Variants in UBE4B observed in about 807,000 individuals in gnomAD.
UBE4B encodes the protein ubiquitin conjugation factor E4 B.
UBE4B carries 27 observed loss-of-function variants against 148.1 expected under a neutral mutation model. The observed-to-expected ratio is 0.18, with a 90% CI of 0.13 to 0.25. UBE4B has a LOEUF of 0.25. Among genes scored for constraint, UBE4B ranks in the 10% least tolerant of loss-of-function variants. The probability of loss-of-function intolerance (pLI) is 1.00; values close to 1 mark genes in which losing one functional copy is unlikely to be tolerated. For synonymous variants in UBE4B, 596 were observed against 619.3 expected (o/e 0.96, Z 0.56); for missense variants, 1,170 against 1,662.4 (o/e 0.70, Z 5.15).
chr1:10,133,445 A>G (rs894864167), intron 15 of UBE4B, among the ~76,000 whole-genome samples: 5 of 152,222 alleles, frequency 3.3e-5, no homozygotes, highest in African/African-American at 7.2e-5. Flanking sequence ...CACTCAACCA[A>G]TATTAACTAT....
At chr1:10,174,530 G>A (rs11806008) in intron 25 of UBE4B, among the ~76,000 whole-genome samples, 29,027 of 150,796 alleles carry the variant, frequency 0.19, 3,830 homozygotes, top group African/African-American at 0.38. Flanking sequence ...GTGAAACCCT[G>A]TTTCTACTAA....
intron 19 of UBE4B, 62 bp downstream of exon 19, chr1:10,147,152 T>G: frequency 6.2e-7 from 1 of 1,602,754 alleles, no homozygotes; most frequent in Non-Finnish European, 8.5e-7. Context: ...GTCTTTATTG[T>G]CCTTCAAAGT....
At chr1:10,040,473 A>G (rs1445108273) in intron 1 of UBE4B, among the ~76,000 whole-genome samples, 2 of 151,458 alleles carry the variant, frequency 1.3e-5, no homozygotes, top group African/African-American at 4.9e-5. Flanking sequence ...CTGGTCTCAA[A>G]CTCCTGGGCT....
At chr1:10,042,767 A>G (rs1456017414) in intron 1 of UBE4B, among the ~76,000 whole-genome samples, 1 of 152,218 alleles carries the variant, frequency 6.6e-6, no homozygotes, top group Non-Finnish European at 1.5e-5. Flanking sequence ...GCCTACAGGT[A>G]CAGAGAACAA....
chr1:10,117,647 G>A (rs766274749), intron 8 of UBE4B, 47 bp downstream of exon 8: 102 of 1,527,142 alleles, frequency 6.7e-5, no homozygotes, highest in Non-Finnish European at 8.6e-5. Context: ...CTAGTTATTT[G>A]TTTGATTATC....
intron 25 of UBE4B, among the ~76,000 whole-genome samples, chr1:10,178,210 G>A (rs570854912): frequency 6.6e-6 from 1 of 152,206 alleles, no homozygotes; most frequent in Non-Finnish European, 1.5e-5. Context: ...TACCTTTGTG[G>A]AAGAGAGCTG....
rs539697805 is a variant in UBE4B at position 10,073,838 on chromosome 1, C to G, written c.211+1624C>G. 7.2e-5 allele frequency among the ~76,000 whole-genome samples: 11 copies of G among 152,012 alleles called. No individual in the cohort carries two copies. The South Asian group carries it at 1.7e-3, about 23-fold the overall frequency. On this transcript the variant is annotated intron_variant, in intron 2 of 27. Coordinates refer to ENST00000343090, the MANE Select transcript of UBE4B (RefSeq NM_001105562.3). Reference sequence around the variant, plus strand: ...GTTCACTCACTCTGCTGATCTGTTTCATACCTTCTCGAGTGTGCAGTACCT... The same window carrying G: ...GTTCACTCACTCTGCTGATCTGTTTGATACCTTCTCGAGTGTGCAGTACCT...
intron 15 of UBE4B, among the ~76,000 whole-genome samples, chr1:10,134,099 C>T (rs2101949780): frequency 6.6e-6 from 1 of 151,860 alleles, no homozygotes; most frequent in African/African-American, 2.4e-5. Flanking sequence ...TTTCTACTTA[C>T]TAATTTTGAG....
intron 17 of UBE4B, among the ~76,000 whole-genome samples, chr1:10,142,356 A>G (rs1419170605): frequency 1.3e-5 from 2 of 152,172 alleles, no homozygotes; most frequent in Non-Finnish European, 2.9e-5. Flanking sequence ...AAAACAACAC[A>G]TATTACAGTT....
intron 1 of UBE4B, among the ~76,000 whole-genome samples, chr1:10,037,229 G>T (rs1179753929): frequency 3.3e-5 from 5 of 152,148 alleles, no homozygotes; most frequent in African/African-American, 1.2e-4. Flanking sequence ...GTTTCTCCAT[G>T]TTGGTCAGGC....
chr1:10,162,330 C>T (rs373309448), intron 23 of UBE4B, among the ~76,000 whole-genome samples: 2 of 152,292 alleles, frequency 1.3e-5, no homozygotes, highest in East Asian at 1.9e-4. Context: ...CCTGCCACTA[C>T]GCCTGGCTTA....
rs992658046 is a variant in UBE4B, at chr1:10,168,631, G to A, written c.3333+361G>A. Among the ~76,000 whole-genome samples the A allele has an allele frequency of 2.0e-5, 3 of 152,126 alleles. No homozygotes were observed. Among genetic ancestry groups the A allele is most frequent in the Non-Finnish European group, 4.4e-5 (3 of 68,026 alleles). ...TAAGGTGCCGGGTGCGGTGGCTCAC[G>A]CCTGTAATCCCAGCACTTTGGGAGC... is the stretch of plus-strand genomic sequence containing the variant. On this transcript the variant is annotated intron_variant, in intron 24 of 27. Transcript: ENST00000343090. The surrounding 1 kb of genome is among the most constrained non-coding windows in gnomAD (Gnocchi z 4.9).
intron 17 of UBE4B, among the ~76,000 whole-genome samples, chr1:10,139,251 A>G (rs1284234164): frequency 6.6e-6 from 1 of 152,162 alleles, no homozygotes; most frequent in East Asian, 1.9e-4. Context: ...TTAGCTGGGC[A>G]TGGTTGGCGC....
At position 10,072,177 on chromosome 1, in the gene UBE4B, C is replaced by A. The variant is rs1455201082; in HGVS notation, c.174C>A (p.His58Gln). ...GPSQSLGLNV[H>Q]NMTPATSPIG... Reference sequence around the variant, plus strand: ...CTCAGAGTCTTGGTCTCAATGTCCACAACATGACCCCAGCTACCTCCCCAA... The same window carrying A: ...CTCAGAGTCTTGGTCTCAATGTCCAAAACATGACCCCAGCTACCTCCCCAA... The change falls in exon 2 of 28, where the codon CAC (histidine) becomes CAA (glutamine). Residue 58 changes from histidine (H) to glutamine (Q), a missense_variant. Physicochemically the swap from His to Gln is conservative, Grantham distance 24 (BLOSUM62 0). This residue lies in a region of UBE4B where 127 missense variants were observed against 153.2 expected (regional missense o/e 0.83). Transcript: ENST00000343090. The A allele has an allele frequency of 1.2e-6, 2 of 1,613,802 alleles. No homozygotes were observed. Among genetic ancestry groups the A allele is most frequent in the Admixed American group, 3.3e-5 (2 of 59,882 alleles).
chr1:10,066,018 T>C (rs1233507570), intron 1 of UBE4B, among the ~76,000 whole-genome samples: 1 of 150,610 alleles, frequency 6.6e-6, no homozygotes. Context: ...CATATATCAT[T>C]GTTCCCCTCC....
At chr1:10,136,416 T>C (rs80302867) in intron 16 of UBE4B, among the ~76,000 whole-genome samples, 2,592 of 149,498 alleles carry the variant, frequency 0.017, 35 homozygotes, top group Non-Finnish European at 0.027. Flanking sequence ...GCTGCAGTGA[T>C]CTGTGATCTT....
At chr1:10,066,125 C>G (rs1166937605) in intron 1 of UBE4B, among the ~76,000 whole-genome samples, 1 of 148,648 alleles carries the variant, frequency 6.7e-6, no homozygotes, top group Admixed American at 6.8e-5. Flanking sequence ...CTCTCCCTTC[C>G]TACCTTCCTT....
chr1:10,176,733 G>A (rs1265165718), intron 25 of UBE4B, among the ~76,000 whole-genome samples: 1 of 150,286 alleles, frequency 6.7e-6, no homozygotes, highest in African/African-American at 2.4e-5. Flanking sequence ...TTTTTTAATT[G>A]GGTTGTTTGT....
intron 2 of UBE4B, among the ~76,000 whole-genome samples, chr1:10,089,100 A>G (rs977081045): frequency 1.3e-5 from 2 of 152,002 alleles, no homozygotes; most frequent in African/African-American, 2.4e-5. Context: ...TCTGCCTCCC[A>G]GGTTCCAGTG....
Sources: allele counts gnomAD v4.1 joint callset (sites outside exome capture counted in the v4.1 genomes callset), GRCh38; gene constraint gnomAD v4.1.1; regional missense constraint gnomAD v4.1.1; non-coding constraint Gnocchi (gnomAD v3.1); transcripts MANE v1.5; gene names NCBI Gene and HGNC (gene_info 2026-07-23, HGNC 2026-07-21).